Variants in SLC9C1 observed in about 807,000 individuals in gnomAD.
The protein encoded by SLC9C1 is sodium/hydrogen exchanger 10.
A neutral mutation model predicts 140.9 loss-of-function variants in SLC9C1; 97 were observed. The observed-to-expected ratio is 0.69, with a 90% CI of 0.58 to 0.82. The LOEUF (loss-of-function observed/expected upper bound fraction) is 0.82, where lower values mean the gene tolerates loss of function less well. Among genes scored for constraint, SLC9C1 ranks in the 40% least tolerant of loss-of-function variants. The pLI, the probability that SLC9C1 is intolerant of heterozygous loss-of-function variation, is 0.00. For synonymous variants in SLC9C1, 440 were observed against 442.6 expected, an observed-to-expected ratio of 0.99 and a Z score of 0.07; for missense variants, 1,340 against 1,389.3, an observed-to-expected ratio of 0.96 and a Z score of 0.56.
chr3:112,245,956 CT>C lies in SLC9C1; in HGVS notation c.1198-1881del, dbSNP rs369200754. On this transcript the variant is annotated intron_variant, in intron 10 of 28. Coordinates refer to ENST00000305815, the MANE Select transcript of SLC9C1 (RefSeq NM_183061.3). ...TATCCATCTCTTGATACTTAGTCAT[CT>C]TTTTTTTTTGTAAGTCAGGTGTTCA... 4.3e-3 allele frequency among the ~76,000 whole-genome samples: 636 copies of C among 148,166 alleles called. 2 individuals are homozygous for C. Among genetic ancestry groups the C allele is most frequent in the African/African-American group, 0.015 (606 of 40,604 alleles).
intron 10 of SLC9C1, among the ~76,000 whole-genome samples, chr3:112,255,212 A>T (rs1468281076): frequency 6.6e-6 from 1 of 152,174 alleles, no homozygotes; most frequent in African/African-American, 2.4e-5. Context: ...CAGGATCTGA[A>T]CTCAGCATTG....
At chr3:112,164,459 G>C (rs948856934) in intron 26 of SLC9C1, among the ~76,000 whole-genome samples, 32 of 140,292 alleles carry the variant, frequency 2.3e-4, no homozygotes, top group Admixed American at 1.7e-3. Context: ...CTCTTTTAGG[G>C]CAGGCCTGGT....
chr3:112,208,371 T>C lies in SLC9C1; in HGVS notation c.1793A>G (p.Tyr598Cys). The C allele has an allele frequency of 1.3e-6, 2 of 1,535,464 alleles. No individual in the cohort carries two copies. The highest frequency in any genetic ancestry group is 8.8e-7 in the Non-Finnish European group (1 of 1,141,416). The change falls in exon 16 of 29, where the codon TAC becomes TGC. Residue 598 changes from tyrosine to cysteine, a missense_variant and splice_region_variant. Tyr to Cys is a radical substitution (Grantham distance 194). Coordinates refer to ENST00000305815, the MANE Select transcript of SLC9C1 (RefSeq NM_183061.3). The part of the protein sequence containing the change: ...TRKEKEGPSK[Y>C]FFFRICHTIV... ...TGTATGGCATATACGAAAAAAGAAG[T>C]ATCTGTAAAACAAAAAGACAGTTTT... is the stretch of plus-strand genomic sequence containing the variant.
intron 15 of SLC9C1, among the ~76,000 whole-genome samples, chr3:112,214,214 T>C (rs1397623142): frequency 6.6e-6 from 1 of 152,150 alleles, no homozygotes; most frequent in African/African-American, 2.4e-5. Flanking sequence ...AAGCAGTGTG[T>C]AGAGGGAAAT....
chr3:112,182,323 C>A, intron 20 of SLC9C1, 65 bp from the exon 21 acceptor site: 3 of 1,501,688 alleles, frequency 2.0e-6, no homozygotes, highest in South Asian at 1.4e-5. Flanking sequence ...TTAAGGCAGA[C>A]AGGTCTTTGT....
chr3:112,229,066 T>A (rs762453899), intron 13 of SLC9C1, among the ~76,000 whole-genome samples: 5 of 151,990 alleles, frequency 3.3e-5, no homozygotes, highest in African/African-American at 4.8e-5. Flanking sequence ...GTGAAAGAAG[T>A]CAGGCACAGA....
intron 26 of SLC9C1, among the ~76,000 whole-genome samples, chr3:112,157,066 C>T (rs1180365293): frequency 6.6e-6 from 1 of 151,816 alleles, no homozygotes; most frequent in Admixed American, 6.6e-5. Flanking sequence ...GTTGTCTGTT[C>T]TTTTGTGGTC....
At chr3:112,174,760 G>A (rs1456533899) in intron 23 of SLC9C1, among the ~76,000 whole-genome samples, 1 of 152,182 alleles carries the variant, frequency 6.6e-6, no homozygotes, top group Non-Finnish European at 1.5e-5. Flanking sequence ...TAGTAGCAGA[G>A]GGGTTGTGAG....
chr3:112,158,158 A>C (rs533960387), intron 26 of SLC9C1, among the ~76,000 whole-genome samples: 128 of 151,990 alleles, frequency 8.4e-4, no homozygotes, highest in African/African-American at 3.0e-3. Flanking sequence ...AGGGTTTGCC[A>C]CATATGTCAC....
intron 28 of SLC9C1, among the ~76,000 whole-genome samples, chr3:112,145,503 A>AT (rs1386664497): frequency 1.5e-5 from 2 of 137,778 alleles, no homozygotes; most frequent in Non-Finnish European, 3.1e-5. Flanking sequence ...CTTCTCATTG[A>AT]TTTTTTGAAA....
At position 112,270,022 on chromosome 3, in the gene SLC9C1, T is replaced by C. The variant is rs1289995041; in HGVS notation, c.669A>G (p.Gly223=). 1 of 1,596,454 alleles carries C rather than the reference T, an allele frequency of 6.3e-7. No homozygotes were observed. The highest frequency in any genetic ancestry group is 1.8e-5 in the Admixed American group (1 of 57,024). The change falls in exon 7 of 29, where the codon GGA becomes GGG. Residue 223 remains glycine (G), a synonymous_variant. Coordinates refer to ENST00000305815, the MANE Select transcript of SLC9C1 (RefSeq NM_183061.3). The part of the protein sequence containing the change: ...CSYIIASFLF[G]ILSSKLIQFW... Reference sequence around the variant, plus strand: ...ATTGAATCAGTTTTGAACTTAGAATTCCAAACAAGAAACTTGCTATAATAT... The same window carrying C: ...ATTGAATCAGTTTTGAACTTAGAATCCCAAACAAGAAACTTGCTATAATAT...
intron 15 of SLC9C1, among the ~76,000 whole-genome samples, chr3:112,215,652 T>C (rs1322106559): frequency 6.6e-6 from 1 of 152,118 alleles, no homozygotes; most frequent in East Asian, 1.9e-4. Flanking sequence ...TTACAAGGGA[T>C]GTGAAGGACC....
chr3:112,208,369 A>C lies in SLC9C1; in HGVS notation c.1795T>G (p.Phe599Val). Residue 599 changes from phenylalanine to valine, a missense_variant, in exon 16 of 29, where the codon TTC becomes GTC. Phe to Val is a conservative substitution (Grantham distance 50, BLOSUM62 -1). Coordinates refer to ENST00000305815, the MANE Select transcript of SLC9C1 (RefSeq NM_183061.3). ...RKEKEGPSKY[F>V]FFRICHTIVF... ...ATTGTATGGCATATACGAAAAAAGA[A>C]GTATCTGTAAAACAAAAAGACAGTT... 1 of 1,538,214 alleles carries C rather than the reference A, an allele frequency of 6.5e-7. No homozygotes were observed. The highest frequency in any genetic ancestry group is 8.7e-7 in the Non-Finnish European group (1 of 1,143,136).
chr3:112,199,249 A>G (rs747381366), intron 20 of SLC9C1, 72 bp downstream of exon 20: 42 of 1,257,966 alleles, frequency 3.3e-5, no homozygotes, highest in Non-Finnish European at 3.6e-5. Flanking sequence ...TTAGAAGTCA[A>G]ATGTAGCCTT....
Position 112,179,576 on chromosome 3 carries a change from AG to A in SLC9C1, c.2873del (p.Thr958IlefsTer5). 6.2e-7 allele frequency: 1 copy of A among 1,610,796 alleles called. No individual in the cohort carries two copies. Among genetic ancestry groups the A allele is most frequent in the African/African-American group, 1.3e-5 (1 of 74,980 alleles). On this transcript the variant is annotated frameshift_variant, in exon 23 of 29. Coordinates refer to ENST00000305815, the MANE Select transcript of SLC9C1 (RefSeq NM_183061.3). LOFTEE classifies it high-confidence loss of function. Reference sequence around the variant, plus strand: ...TGGCAGAATATTTCATAGGTTCATTAGTTAAGCAGTTTATCTCTCCTATTAT... The same window carrying A: ...TGGCAGAATATTTCATAGGTTCATTATTAAGCAGTTTATCTCTCCTATTAT... ...GEIIGEINCL[T>X]NEPMKYSATC...
At chr3:112,240,468 G>T (rs1276149983) in intron 11 of SLC9C1, among the ~76,000 whole-genome samples, 1 of 152,204 alleles carries the variant, frequency 6.6e-6, no homozygotes, top group African/African-American at 2.4e-5. Flanking sequence ...CATTTAAATT[G>T]GTAGACTGAG....
intron 12 of SLC9C1, among the ~76,000 whole-genome samples, chr3:112,232,347 A>G (rs1056309158): frequency 6.6e-6 from 1 of 152,146 alleles, no homozygotes; most frequent in African/African-American, 2.4e-5. Context: ...GTAGGTGAAA[A>G]CTCAATCAAT....
chr3:112,269,567 T>C (rs996955619), intron 7 of SLC9C1, among the ~76,000 whole-genome samples: 2 of 152,180 alleles, frequency 1.3e-5, no homozygotes, highest in African/African-American at 2.4e-5. Flanking sequence ...ACTCTATATA[T>C]CTTATAAACC....
chr3:112,272,858 T>G (rs2080113805), intron 6 of SLC9C1, among the ~76,000 whole-genome samples: 1 of 152,178 alleles, frequency 6.6e-6, no homozygotes, highest in Admixed American at 6.6e-5. Context: ...AATTCTCACA[T>G]AGTACATATT....
Sources: allele counts gnomAD v4.1 joint callset (sites outside exome capture counted in the v4.1 genomes callset), GRCh38; gene constraint gnomAD v4.1.1; transcripts MANE v1.5; gene names NCBI Gene and HGNC (gene_info 2026-07-23, HGNC 2026-07-21).